CDH23: variants seen among roughly 807,000 people sequenced by gnomAD.
CDH23 encodes cadherin-23.
In CDH23, 189 loss-of-function variants were observed where a neutral mutation model predicts 317.1. That is an observed-to-expected ratio of 0.60 (90% CI 0.53 to 0.67). The LOEUF (loss-of-function observed/expected upper bound fraction) is 0.67, where lower values mean the gene tolerates loss of function less well. Among genes scored for constraint, CDH23 ranks in the 30% least tolerant of loss-of-function variants. CDH23 has a pLI of 0.00. For synonymous variants in CDH23, 1,839 were observed against 1,876.8 expected, an observed-to-expected ratio of 0.98 and a Z score of 0.52; for missense variants, 4,401 against 4,592.4, an observed-to-expected ratio of 0.96 and a Z score of 1.20.
At chr10:71,407,210 T>C (rs1032546527) in intron 1 of CDH23, among the ~76,000 whole-genome samples, 9 of 152,212 alleles carry the variant, frequency 5.9e-5, no homozygotes, top group Admixed American at 2.0e-4. Flanking sequence ...AGATGGAAAC[T>C]GAACTCAAGA....
rs117525626 is a variant in CDH23 at position 71,532,119 on chromosome 10, G to A, written c.429+20907G>A. Among the ~76,000 whole-genome samples, 145 of 152,312 alleles carry A rather than the reference G, an allele frequency of 9.5e-4. 3 individuals carry two copies. In the East Asian group the frequency reaches 0.025, roughly 26 times the overall value. On this transcript the variant is annotated intron_variant, in intron 6 of 69. Transcript: ENST00000224721. ...GGCTGAGACTCCTCCAGGGGCCTAA[G>A]ATGGGGAAGTGAGTTAGCTTGAGGC...
At chr10:71,508,272 A>G (rs923876911) in intron 3 of CDH23, 8 of 152,172 alleles carry the variant, frequency 5.3e-5, no homozygotes, top group Non-Finnish European at 8.8e-5. Flanking sequence ...TCTTGTTAGG[A>G]TCTGATAGGT....
At chr10:71,672,950 C>T (rs1009413577) in intron 14 of CDH23, among the ~76,000 whole-genome samples, 1 of 152,136 alleles carries the variant, frequency 6.6e-6, no homozygotes, top group African/African-American at 2.4e-5. Flanking sequence ...TCCTGCACAC[C>T]CCACTTTCTG....
chr10:71,502,121 A>G (rs1402839082), intron 3 of CDH23, among the ~76,000 whole-genome samples: 1 of 152,116 alleles, frequency 6.6e-6, no homozygotes, highest in African/African-American at 2.4e-5. Flanking sequence ...TTCAGCGATA[A>G]CTAGTCCCTG....
At chr10:71,603,438 C>T (rs559585544) in intron 9 of CDH23, among the ~76,000 whole-genome samples, 1 of 147,536 alleles carries the variant, frequency 6.8e-6, no homozygotes, top group Non-Finnish European at 1.5e-5. Flanking sequence ...TATGTGGGCC[C>T]TGCCCAGTGA....
In CDH23 at chr10:71,807,964, C is replaced by T. The variant is rs2132990651; in HGVS notation, c.8679C>T (p.Ala2893=). ...TTCTGGCCATCCACTACTTCCGGGC[C>T]CTTGCCAACGACTCTGAAGATGTGG... The part of the protein sequence containing the change: ...YSILAIHYFR[A]LANDSEDVGQ... The change falls in exon 60 of 70, where the codon GCC becomes GCT. Residue 2893 remains alanine, a synonymous_variant. Coordinates refer to ENST00000224721, the MANE Select transcript of CDH23 (RefSeq NM_022124.6). 1 of 1,599,702 alleles carries T rather than the reference C, an allele frequency of 6.3e-7. No individual in the cohort carries two copies.
At chr10:71,728,732 G>A (rs10823834) in intron 30 of CDH23, among the ~76,000 whole-genome samples, 45,726 of 152,104 alleles carry the variant, frequency 0.3, 7,783 homozygotes, top group Non-Finnish European at 0.39. Context: ...GGAAGAGGGT[G>A]CCTCTCCTGT....
At chr10:71,492,283 G>A (rs1464064810) in intron 3 of CDH23, among the ~76,000 whole-genome samples, 1 of 152,192 alleles carries the variant, frequency 6.6e-6, no homozygotes, top group Non-Finnish European at 1.5e-5. Flanking sequence ...GTTCCATGAT[G>A]TGGGGCCTGA....
Position 71,778,377 on chromosome 10 carries a change from G to A in CDH23, c.5187+69G>A, listed in dbSNP as rs937764184. The A allele has an allele frequency of 1.8e-5, 29 of 1,590,696 alleles. 1 individual carries two copies. The Admixed American group carries it at 1.9e-4, about 10-fold the overall frequency. The stretch of plus-strand genomic sequence containing the variant: ...CGAAGGATGGGACCCAGAAAGCTCC[G>A]ATGCGGGAAGGGGTTAGGGGAAGAT... On this transcript the variant is annotated intron_variant, in intron 40 of 69. Coordinates refer to ENST00000224721, the MANE Select transcript of CDH23 (RefSeq NM_022124.6).
Position 71,532,978 on chromosome 10 carries a change from C to T in CDH23, c.429+21766C>T, listed in dbSNP as rs564900181. 1.6e-4 allele frequency among the ~76,000 whole-genome samples: 24 copies of T among 152,258 alleles called. No individual in the cohort carries two copies. The South Asian group carries it at 3.5e-3, about 22-fold the overall frequency. ...AACTCCTGACCTCAAGTGATCCACT[C>T]GCCTTGCCCTCTCAAAGTGCTGGGA... is the stretch of plus-strand genomic sequence containing the variant. On this transcript the variant is annotated intron_variant, in intron 6 of 69. Coordinates refer to ENST00000224721, the MANE Select transcript of CDH23 (RefSeq NM_022124.6).
intron 6 of CDH23, among the ~76,000 whole-genome samples, chr10:71,532,894 T>C (rs141065347): frequency 6.6e-6 from 1 of 152,026 alleles, no homozygotes; most frequent in East Asian, 1.9e-4. Flanking sequence ...CATGCCTGGC[T>C]AATTTTTTGT....
Position 71,694,236 on chromosome 10 carries a change from A to G in CDH23, c.2266A>G (p.Asn756Asp). The G allele has an allele frequency of 6.2e-7, 1 of 1,612,874 alleles. No homozygotes were observed. Among genetic ancestry groups the G allele is most frequent in the Non-Finnish European group, 8.5e-7 (1 of 1,179,426 alleles). Residue 756 changes from asparagine to aspartate, a missense_variant, in exon 21 of 70, where the codon AAC becomes GAC. By Grantham distance (23) the Asn-to-Asp change is conservative (BLOSUM62 1). Transcript: ENST00000224721. ...CGCAGTGGACGGGGGTGTGGGCCACAACCAGAAAACTGGCATCGCCACCGT... is the reference window on the plus strand; with the variant it reads ...CGCAGTGGACGGGGGTGTGGGCCACGACCAGAAAACTGGCATCGCCACCGT... The part of the protein sequence containing the change: ...VRAVDGGVGH[N>D]QKTGIATVNI...
intron 29 of CDH23, 127 bp downstream of exon 29, chr10:71,724,232 G>T: frequency 1.1e-6 from 1 of 919,812 alleles, no homozygotes; most frequent in Non-Finnish European, 1.7e-6. Context: ...ATGGGGCGAG[G>T]CCAGAGGGAG....
At chr10:71,704,784 G>T in intron 24 of CDH23, 127 bp from the exon 25 acceptor site, 1 of 755,248 alleles carries the variant, frequency 1.3e-6, no homozygotes. Flanking sequence ...CCTAAGGCTT[G>T]GAGGGGAGCA....
In CDH23 at chr10:71,690,592, C is replaced by T; in HGVS notation, c.2176+8C>T. On this transcript the variant is annotated splice_region_variant and intron_variant, in intron 20 of 69. Coordinates refer to ENST00000224721, the MANE Select transcript of CDH23 (RefSeq NM_022124.6). ...GGATCAATGCCCGCTCAGGTGAGCC[C>T]CCCCACCCCAAGTACCCTGGTCCTC... is the stretch of plus-strand genomic sequence containing the variant. The T allele has an allele frequency of 6.4e-7, 1 of 1,569,806 alleles. No homozygotes were observed. The highest frequency in any genetic ancestry group is 8.7e-7 in the Non-Finnish European group (1 of 1,152,902).
In CDH23 at chr10:71,454,849, T is replaced by A. The variant is rs571824537; in HGVS notation, c.145+8454T>A. Among the ~76,000 whole-genome samples, 828 of 147,294 alleles carry A rather than the reference T, an allele frequency of 5.6e-3. 2 individuals carry two copies. The highest frequency in any genetic ancestry group is 8.7e-3 in the Non-Finnish European group (578 of 66,578). ...ACTATATTTTTTTTACATTTTATTTTTTTTTTTTTTTAGAAACAGGATCCC... is the reference window on the plus strand; with the variant it reads ...ACTATATTTTTTTTACATTTTATTTATTTTTTTTTTTAGAAACAGGATCCC... On this transcript the variant is annotated intron_variant, in intron 3 of 69. Coordinates refer to ENST00000224721, the MANE Select transcript of CDH23 (RefSeq NM_022124.6).
chr10:71,485,023 CTTT>C (rs56153129), intron 3 of CDH23, among the ~76,000 whole-genome samples: 62 of 110,122 alleles, frequency 5.6e-4, no homozygotes, highest in African/African-American at 1.9e-3. Context: ...TTTCTTTTTT[CTTT>C]TTTTTTTTTT....
Position 71,686,350 on chromosome 10 carries a change from G to A in CDH23, c.1987-1297G>A, listed in dbSNP as rs138710036. The stretch of plus-strand genomic sequence containing the variant: ...ACGCAGCTGGGGCATTGGACATCAG[G>A]GGAATCCTGAGACTGCTGGGTATCT... On this transcript the variant is annotated intron_variant, in intron 18 of 69. Coordinates refer to ENST00000224721, the MANE Select transcript of CDH23 (RefSeq NM_022124.6). Among the ~76,000 whole-genome samples the A allele has an allele frequency of 3.1e-3, 479 of 152,156 alleles. 2 individuals carry two copies. The highest frequency in any genetic ancestry group is 0.01 in the African/African-American group (423 of 41,526).
In CDH23 at chr10:71,510,148, G is replaced by T; in HGVS notation, c.212G>T (p.Gly71Val). 2 of 1,614,028 alleles carry T rather than the reference G, an allele frequency of 1.2e-6. No individual in the cohort carries two copies. The highest frequency in any genetic ancestry group is 1.7e-6 in the Non-Finnish European group (2 of 1,179,892). Residue 71 changes from glycine (G) to valine (V), a missense_variant, in exon 4 of 70, where the codon GGG becomes GTG. By Grantham distance (109) the Gly-to-Val change is moderately radical (BLOSUM62 -3). This residue lies in a region of CDH23 where 3,068 missense variants were observed against 3,203.3 expected (regional missense o/e 0.96). Transcript: ENST00000224721. ...GACCCCCTGGTGTTTGGCGTGTCTG[G>T]GGAGGAGGCCTCTCGCTTCTTTGCA... ...DNDPLVFGVS[G>V]EEASRFFAVE...
Sources: gnomAD v4.1 joint callset for allele counts (sites outside exome capture counted in the v4.1 genomes callset) on GRCh38, gnomAD v4.1.1 for gene constraint, gnomAD v4.1.1 regional missense constraint, MANE v1.5 for transcripts, NCBI Gene and HGNC (gene_info 2026-07-23, HGNC 2026-07-21) for gene names.